Variants in PPP2R2C observed in about 807,000 individuals in gnomAD.
The protein encoded by PPP2R2C is protein phosphatase 2 regulatory subunit Bgamma.
PPP2R2C carries 10 observed loss-of-function variants against 45.3 expected under a neutral mutation model. The ratio of observed to expected loss-of-function variants is 0.22; its 90% CI spans 0.14 to 0.37. The LOEUF (loss-of-function observed/expected upper bound fraction) is 0.37. PPP2R2C is among the 10% of genes least tolerant of loss of function. The pLI is 1.00. For synonymous variants in PPP2R2C, 257 were observed against 245.4 expected, an observed-to-expected ratio of 1.05 and a Z score of -0.44; for missense variants, 308 against 619.7, an observed-to-expected ratio of 0.50 and a Z score of 5.34.
intron 2 of PPP2R2C, among the ~76,000 whole-genome samples, chr4:6,490,309 G>C (rs1475476231): frequency 6.6e-6 from 1 of 152,206 alleles, no homozygotes; most frequent in African/African-American, 2.4e-5. Context: ...CTTCAGCAGG[G>C]AGATGGCATT....
At chr4:6,462,300 C>T (rs1359233916) in intron 1 of PPP2R2C, among the ~76,000 whole-genome samples, 4 of 152,144 alleles carry the variant, frequency 2.6e-5, no homozygotes, top group African/African-American at 9.7e-5. Context: ...CATGGTGAAA[C>T]CCCGTCTCTA....
At chr4:6,483,608 C>T (rs1460368108) in intron 2 of PPP2R2C, among the ~76,000 whole-genome samples, 2 of 151,856 alleles carry the variant, frequency 1.3e-5, no homozygotes, top group Non-Finnish European at 2.9e-5. Flanking sequence ...ACATTTTGTC[C>T]ACTTATTAAT....
chr4:6,370,197 T>TGAGCTC lies in PPP2R2C; in HGVS notation c.625+2320_625+2325dup, dbSNP rs1441726443. On this transcript the variant is annotated intron_variant, in intron 5 of 8. Transcript: ENST00000382599. ...TGGACCAGGCATGGAGGCCCGAGCA[T>TGAGCTC]GAGCTCTGGCTCTGCCCCTGCCAAC... Among the ~76,000 whole-genome samples the TGAGCTC allele has an allele frequency of 4.6e-5, 7 of 152,328 alleles. No homozygotes were observed. The South Asian group carries it at 1.4e-3, about 32-fold the overall frequency.
chr4:6,381,296 C>T (rs1715776651), intron 1 of PPP2R2C: 13 of 1,527,316 alleles, frequency 8.5e-6, no homozygotes, highest in Non-Finnish European at 1.1e-5. Flanking sequence ...CTTCCCTCTG[C>T]ACTGGCTGCA....
intron 2 of PPP2R2C, among the ~76,000 whole-genome samples, chr4:6,512,266 GTGA>G (rs1723627658): frequency 9.1e-6 from 1 of 110,290 alleles, no homozygotes; most frequent in Non-Finnish European, 2.0e-5. Flanking sequence ...GGTGGTGGTG[GTGA>G]TGGTGGGGGT....
intron 2 of PPP2R2C, among the ~76,000 whole-genome samples, chr4:6,491,667 A>G (rs1034858857): frequency 2.0e-5 from 3 of 152,182 alleles, no homozygotes; most frequent in Non-Finnish European, 4.4e-5. Context: ...AAGTGATTGG[A>G]TCATGCGGGC....
At chr4:6,401,195 C>T (rs1333305758) in intron 1 of PPP2R2C, among the ~76,000 whole-genome samples, 1 of 152,122 alleles carries the variant, frequency 6.6e-6, no homozygotes, top group Non-Finnish European at 1.5e-5. Context: ...TTCAGCTTGC[C>T]TGCCCCTCTG....
intron 1 of PPP2R2C, chr4:6,414,101 T>C: frequency 7.6e-7 from 1 of 1,315,740 alleles, no homozygotes; most frequent in Non-Finnish European, 1.0e-6. Flanking sequence ...TGTGTGTGTG[T>C]GTGTGTGTGT....
chr4:6,545,863 C>T (rs1577251058), intron 1 of PPP2R2C, among the ~76,000 whole-genome samples: 1 of 152,168 alleles, frequency 6.6e-6, no homozygotes, highest in Non-Finnish European at 1.5e-5. Context: ...ATCAGTATTT[C>T]GCTGACCAAC....
At chr4:6,383,682 C>T in intron 1 of PPP2R2C, 1 of 592,324 alleles carries the variant, frequency 1.7e-6, no homozygotes, top group Non-Finnish European at 2.4e-6. Flanking sequence ...CTGCCCCAAC[C>T]TAATCTGATG....
intron 1 of PPP2R2C, among the ~76,000 whole-genome samples, chr4:6,403,097 C>T (rs1717535047): frequency 6.6e-6 from 1 of 152,234 alleles, no homozygotes; most frequent in South Asian, 2.1e-4. Context: ...ATTAGAACCA[C>T]TGAGCAGTCT....
chr4:6,412,350 C>A (rs1718246995), intron 1 of PPP2R2C, among the ~76,000 whole-genome samples: 1 of 152,092 alleles, frequency 6.6e-6, no homozygotes, highest in Non-Finnish European at 1.5e-5. Flanking sequence ...CTCAAAGTAA[C>A]CCCAGGGGAG....
chr4:6,445,887 A>G (rs899770463), intron 1 of PPP2R2C, among the ~76,000 whole-genome samples: 1 of 152,234 alleles, frequency 6.6e-6, no homozygotes, highest in Admixed American at 6.5e-5. Context: ...GTCGCAGAAC[A>G]TAACACAGGA....
chr4:6,438,712 T>C (rs1454557141), intron 1 of PPP2R2C, among the ~76,000 whole-genome samples: 1 of 152,230 alleles, frequency 6.6e-6, no homozygotes, highest in Non-Finnish European at 1.5e-5. Context: ...ATGTCATTTG[T>C]TTGGGATTTT....
chr4:6,479,411 C>A (rs1722274182), intron 2 of PPP2R2C, among the ~76,000 whole-genome samples: 1 of 150,526 alleles, frequency 6.6e-6, no homozygotes, highest in African/African-American at 2.5e-5. Flanking sequence ...GAAAGCCCAC[C>A]CACCCCACCC....
chr4:6,403,331 G>T (rs1169312490), intron 1 of PPP2R2C, among the ~76,000 whole-genome samples: 1 of 152,202 alleles, frequency 6.6e-6, no homozygotes, highest in Admixed American at 6.5e-5. Flanking sequence ...AACTGGTTTG[G>T]CAACAAGAAT....
chr4:6,504,047 C>T (rs1396142938), intron 2 of PPP2R2C, among the ~76,000 whole-genome samples: 2 of 152,224 alleles, frequency 1.3e-5, no homozygotes, highest in African/African-American at 4.8e-5. Flanking sequence ...CCTCCTCCTG[C>T]ACCATTCAGA....
intron 6 of PPP2R2C, among the ~76,000 whole-genome samples, chr4:6,334,336 AT>A (rs1732665248): frequency 2.0e-5 from 3 of 152,220 alleles, no homozygotes; most frequent in African/African-American, 7.2e-5. Context: ...TCCACTGACC[AT>A]CTCCTTTTTT....
At position 6,535,486 on chromosome 4, in the gene PPP2R2C, C is replaced by T. The variant is rs964457006; in HGVS notation, c.-58-109G>A. 8.1e-5 allele frequency: 59 copies of T among 732,858 alleles called. No homozygotes were observed. In the Middle Eastern group the frequency reaches 2.4e-3, roughly 30 times the overall value. The allele number at this position is 732,858 out of a possible 1,614,324, so 45.4% of individuals were successfully genotyped here. ...CACCGCCACCCACGGCCGCCCTGGCCGCCGCCCGGCACAGCTCCAGCCAGC... is the reference window on the plus strand; with the variant it reads ...CACCGCCACCCACGGCCGCCCTGGCTGCCGCCCGGCACAGCTCCAGCCAGC... On this transcript the variant is annotated intron_variant, in intron 1 of 9. Transcript: ENST00000506140.
Sources: allele counts gnomAD v4.1 joint callset (sites outside exome capture counted in the v4.1 genomes callset), GRCh38; gene constraint gnomAD v4.1.1; transcripts MANE v1.5; gene names NCBI Gene and HGNC (gene_info 2026-07-23, HGNC 2026-07-21).